The following TBC1D5 variants were observed in gnomAD, a reference collection of about 807,000 sequenced individuals.
TBC1D5 encodes the protein TBC1 domain family, member 5.
Under a neutral mutation model 100.3 loss-of-function variants are expected in TBC1D5, and 75 were observed. The ratio of observed to expected loss-of-function variants is 0.75; its 90% confidence interval spans 0.62 to 0.91. The LOEUF (loss-of-function observed/expected upper bound fraction) is 0.91, where lower values mean the gene tolerates loss of function less well. TBC1D5 is among the 40% of genes least tolerant of loss of function. TBC1D5 has a pLI of 0.00. For synonymous variants in TBC1D5, 323 were observed against 325.6 expected (o/e 0.99, Z 0.09); for missense variants, 910 against 942.4 (o/e 0.97, Z 0.45).
intron 2 of TBC1D5, among the ~76,000 whole-genome samples, chr3:17,591,996 C>T (rs577940997): frequency 6.6e-6 from 1 of 152,310 alleles, no homozygotes; most frequent in East Asian, 1.9e-4. Context: ...CAAGTAGTGG[C>T]TCCAAATGCA....
At chr3:17,292,160 C>G (rs1308378487) in intron 14 of TBC1D5, among the ~76,000 whole-genome samples, 159 bp from the exon 15 acceptor site, 1 of 152,136 alleles carries the variant, frequency 6.6e-6, no homozygotes, top group Non-Finnish European at 1.5e-5. Flanking sequence ...TACCAAATTG[C>G]CTTTGAAGGA....
chr3:17,237,792 G>T (rs62249397), intron 17 of TBC1D5, among the ~76,000 whole-genome samples: 4,058 of 152,262 alleles, frequency 0.027, 83 homozygotes, highest in Middle Eastern at 0.065. Flanking sequence ...TGTGACTAGT[G>T]AAGCCCATGG....
chr3:17,265,203 TTATAAAAC>T (rs538056643), intron 15 of TBC1D5, among the ~76,000 whole-genome samples: 26 of 152,144 alleles, frequency 1.7e-4, no homozygotes, highest in Non-Finnish European at 2.8e-4. Context: ...ATTATCATTT[TTATAAAAC>T]TATAAAACTA....
chr3:17,360,498 A>G (rs1385750486), intron 13 of TBC1D5, among the ~76,000 whole-genome samples: 2 of 152,000 alleles, frequency 1.3e-5, no homozygotes, highest in African/African-American at 4.8e-5. Context: ...AATATAGCTG[A>G]GGTGAAGGTA....
chr3:17,419,215 T>A (rs1157248787), intron 4 of TBC1D5, among the ~76,000 whole-genome samples: 2 of 152,236 alleles, frequency 1.3e-5, no homozygotes, highest in African/African-American at 4.8e-5. Context: ...AGTACAAGGA[T>A]AGCTAGCTGA....
Position 17,271,942 on chromosome 3 carries a change from G to A in TBC1D5, c.1246-13351C>T, listed in dbSNP as rs115800170. Reference sequence around the variant, plus strand: ...GCAACCCAGTCATTAGACTTTCCAAGGCCAATGTGAAAGGAAAAATCTTAA... The same window carrying A: ...GCAACCCAGTCATTAGACTTTCCAAAGCCAATGTGAAAGGAAAAATCTTAA... On this transcript the variant is annotated intron_variant, in intron 15 of 21. Transcript: ENST00000253692. 3.1e-3 allele frequency among the ~76,000 whole-genome samples: 467 copies of A among 152,210 alleles called. 5 individuals are homozygous for A. The highest frequency in any genetic ancestry group is 0.011 in the African/African-American group (443 of 41,530).
chr3:17,571,042 CAA>C (rs1390166041), intron 2 of TBC1D5, among the ~76,000 whole-genome samples: 1 of 151,634 alleles, frequency 6.6e-6, no homozygotes, highest in African/African-American at 2.4e-5. Context: ...ATGCTTGACT[CAA>C]AAGAGTTGAG....
At chr3:17,461,572 G>C (rs1402569255) in intron 3 of TBC1D5, among the ~76,000 whole-genome samples, 1 of 152,114 alleles carries the variant, frequency 6.6e-6, no homozygotes, top group Non-Finnish European at 1.5e-5. Context: ...AAATAATCCT[G>C]TTTGCCAAGG....
At chr3:17,428,495 C>T in exon 4 of TBC1D5, 1 of 1,509,220 alleles carries the variant, frequency 6.6e-7, no homozygotes, top group Non-Finnish European at 8.9e-7. Context: ...AGAACTTGTT[C>T]TTCTTCCATT....
At chr3:17,300,805 C>T (rs907189296) in intron 14 of TBC1D5, among the ~76,000 whole-genome samples, 2 of 152,194 alleles carry the variant, frequency 1.3e-5, no homozygotes, top group African/African-American at 4.8e-5. Context: ...GGCGTGGTGG[C>T]TCATGCCTGT....
intron 8 of TBC1D5, among the ~76,000 whole-genome samples, chr3:17,397,276 A>T (rs1207704243): frequency 6.6e-6 from 1 of 152,198 alleles, no homozygotes; most frequent in Non-Finnish European, 1.5e-5. Context: ...TCAAATTATA[A>T]GACTTAAAAA....
At chr3:17,389,657 C>A (rs1010874300) in intron 8 of TBC1D5, among the ~76,000 whole-genome samples, 6 of 152,112 alleles carry the variant, frequency 3.9e-5, no homozygotes, top group African/African-American at 1.4e-4. Flanking sequence ...TCAAGCTACC[C>A]CAGCCAACAC....
intron 8 of TBC1D5, among the ~76,000 whole-genome samples, chr3:17,392,760 AT>A (rs2093390593): frequency 6.6e-6 from 1 of 151,994 alleles, no homozygotes; most frequent in Non-Finnish European, 1.5e-5. Context: ...TATCTAGTCT[AT>A]CTTTGATGGG....
chr3:17,202,383 AG>A (rs2071574638), intron 18 of TBC1D5, among the ~76,000 whole-genome samples: 2 of 152,246 alleles, frequency 1.3e-5, no homozygotes, highest in Non-Finnish European at 2.9e-5. Context: ...CTTATACAAC[AG>A]GGAAGCAGAG....
chr3:17,263,208 G>C (rs1359493198), intron 15 of TBC1D5, among the ~76,000 whole-genome samples: 2 of 151,282 alleles, frequency 1.3e-5, no homozygotes, highest in Non-Finnish European at 3.0e-5. Context: ...TCTCTTAAAA[G>C]GTAAGACAGC....
chr3:17,534,477 T>C (rs1293721779), intron 2 of TBC1D5, among the ~76,000 whole-genome samples: 2 of 152,200 alleles, frequency 1.3e-5, no homozygotes, highest in Admixed American at 1.3e-4. Context: ...CTGTTCCTTT[T>C]GGCAGTACTT....
rs576130160 is a variant in TBC1D5 at position 17,642,954 on chromosome 3, T to C, written c.-100-19041A>G. Among the ~76,000 whole-genome samples the C allele has an allele frequency of 4.3e-4, 66 of 152,260 alleles. 1 individual carries two copies. The highest frequency in any genetic ancestry group is 3.7e-4 in the Non-Finnish European group (25 of 68,000). On this transcript the variant is annotated intron_variant, in intron 1 of 21. Coordinates refer to ENST00000253692, the Ensembl canonical transcript of TBC1D5. ...AATGAAAACACCATACATAGCTATA[T>C]TACAGTTATTAAAATCATAAAATTA... is the stretch of plus-strand genomic sequence containing the variant.
chr3:17,381,207 C>T (rs893386032), intron 9 of TBC1D5, among the ~76,000 whole-genome samples: 5 of 151,984 alleles, frequency 3.3e-5, no homozygotes, highest in African/African-American at 4.8e-5. Context: ...TATACAAATG[C>T]AGTGGGCCAC....
At chr3:17,463,503 G>C (rs984908058) in intron 3 of TBC1D5, among the ~76,000 whole-genome samples, 5 of 152,170 alleles carry the variant, frequency 3.3e-5, no homozygotes, top group African/African-American at 1.2e-4. Context: ...AGGGTGAAGT[G>C]AGTTAAGAAA....
Sources: gnomAD v4.1 joint callset for allele counts (sites outside exome capture counted in the v4.1 genomes callset) on GRCh38, gnomAD v4.1.1 for gene constraint, MANE v1.5 for transcripts, NCBI Gene and HGNC (gene_info 2026-07-23, HGNC 2026-07-21) for gene names.